The following KIF14 variants were observed in gnomAD, a reference collection of about 807,000 sequenced individuals.
KIF14 encodes the protein kinesin-like protein KIF14.
A neutral mutation model predicts 176.2 loss-of-function variants in KIF14; 98 were observed. The ratio of observed to expected loss-of-function variants is 0.56; its 90% CI spans 0.47 to 0.66. The LOEUF (loss-of-function observed/expected upper bound fraction) is 0.66, where lower values mean the gene tolerates loss of function less well. Among genes scored for constraint, KIF14 ranks in the 30% least tolerant of loss-of-function variants. The probability of loss-of-function intolerance (pLI) is 0.00; values close to 1 mark genes in which losing one functional copy is unlikely to be tolerated. For missense variants in KIF14, 1,751 were observed against 1,920.4 expected, an observed-to-expected ratio of 0.91 and a Z score of 1.65; for synonymous variants, 566 against 632.2, an observed-to-expected ratio of 0.90 and a Z score of 1.57.
In KIF14 at chr1:200,566,402, C is replaced by T. The variant is rs61827016; in HGVS notation, c.3662-733G>A. Among the ~76,000 whole-genome samples the T allele has an allele frequency of 7.7e-3, 1,172 of 151,660 alleles. 7 individuals are homozygous for T. The highest frequency in any genetic ancestry group is 0.037 in the Middle Eastern group (11 of 294). On this transcript the variant is annotated intron_variant, in intron 23 of 29. Coordinates refer to ENST00000367350, the MANE Select transcript of KIF14 (RefSeq NM_014875.3). The stretch of plus-strand genomic sequence containing the variant: ...GGTCAGGAGATCGGGACCATCCTGG[C>T]TAACGTGGTGAAACCCCATCTCTAT...
At chr1:200,593,816 A>G (rs1411564983) in intron 14 of KIF14, 47 bp from the exon 15 acceptor site, 1 of 1,109,572 alleles carries the variant, frequency 9.0e-7, no homozygotes, top group African/African-American at 1.5e-5. Flanking sequence ...AACACACTAA[A>G]AAGTAAGAAA....
chr1:200,606,862 TCAC>T, intron 5 of KIF14, 64 bp from the exon 6 acceptor site: 1 of 1,259,618 alleles, frequency 7.9e-7, no homozygotes, highest in Non-Finnish European at 1.2e-6. Context: ...CTTGAAATGA[TCAC>T]TTTTTCTACA....
chr1:200,581,761 C>CTTTTT (rs66935478), intron 19 of KIF14, among the ~76,000 whole-genome samples: 64 of 83,018 alleles, frequency 7.7e-4, no homozygotes, highest in East Asian at 1.6e-3. Context: ...TTTCACTTTC[C>CTTTTT]TTTTTTTTTT....
rs992868682 is a variant in KIF14, at chr1:200,615,546, G to A, written c.1176C>T (p.His392=). ...FMSGKEITVE[H]PDTKQVYNFI... Reference sequence around the variant, plus strand: ...AATTATAAACTTGTTTCGTGTCAGGGTGTTCCACAGTTATTTCTTTCCCAC... The same window carrying A: ...AATTATAAACTTGTTTCGTGTCAGGATGTTCCACAGTTATTTCTTTCCCAC... The change falls in exon 3 of 30, where the codon CAC becomes CAT. Residue 392 remains histidine (H), a synonymous_variant. Transcript: ENST00000367350. The A allele has an allele frequency of 4.3e-6, 7 of 1,613,394 alleles. No homozygotes were observed. In the African/African-American group the frequency reaches 5.3e-5, roughly 12 times the overall value.
intron 28 of KIF14, 137 bp downstream of exon 28, chr1:200,555,243 T>G: frequency 1.7e-6 from 1 of 587,592 alleles, no homozygotes; most frequent in Non-Finnish European, 3.0e-6. Flanking sequence ...AAGAGCTATC[T>G]TACATGCTAC....
intron 14 of KIF14, among the ~76,000 whole-genome samples, chr1:200,597,305 G>A (rs190439688): frequency 3.2e-4 from 49 of 152,144 alleles, no homozygotes; most frequent in African/African-American, 1.0e-3. Context: ...GATGTTACAC[G>A]TTAGAAAAAA....
rs758766005 is a variant in KIF14 at position 200,603,862 on chromosome 1, G to T, written c.1840C>A (p.His614Asn). Reference protein sequence around the residue: ...LAGSERCSTAHTNGDRLKEGV... With the variant: ...LAGSERCSTANTNGDRLKEGV... ...ACCTTTAGTCGATCTCCATTAGTGT[G>T]AGCCGTAGAGCAGCGCTCACTGCCT... The change falls in exon 9 of 30, where the codon CAC becomes AAC. Residue 614 changes from histidine to asparagine, a missense_variant. Transcript: ENST00000367350. The T allele has an allele frequency of 8.1e-6, 13 of 1,607,462 alleles. No individual in the cohort carries two copies. Among genetic ancestry groups the T allele is most frequent in the African/African-American group, 6.7e-5 (5 of 74,892 alleles).
At chr1:200,598,470 G>A (rs770724376) in intron 13 of KIF14, 49 bp from the exon 14 acceptor site, 12 of 1,403,426 alleles carry the variant, frequency 8.6e-6, no homozygotes, top group Non-Finnish European at 1.2e-5. Context: ...GTATGAAATT[G>A]TTAAATTCAC....
chr1:200,608,358 G>A lies in KIF14; in HGVS notation c.1554+472C>T, dbSNP rs888116623. Among the ~76,000 whole-genome samples the A allele has an allele frequency of 1.5e-4, 21 of 142,022 alleles. No homozygotes were observed. In the East Asian group the frequency reaches 3.0e-3, roughly 21 times the overall value. 93.2% of individuals were successfully genotyped at this position (142,022 alleles called of 152,430 possible). On this transcript the variant is annotated intron_variant, in intron 5 of 29. Transcript: ENST00000367350. ...TAATTTCTACTAGTGATAATGTTCC[G>A]CTTCTTTTCTTTTTTTTTTTTTTGG...
intron 23 of KIF14, 109 bp downstream of exon 23, chr1:200,569,802 G>A: frequency 1.8e-6 from 1 of 562,590 alleles, no homozygotes; most frequent in Non-Finnish European, 3.0e-6. Flanking sequence ...AGAGGAATCA[G>A]AAGCTTCCAG....
At position 200,559,357 on chromosome 1, in the gene KIF14, T is replaced by C; in HGVS notation, c.4326A>G (p.Glu1442=). 2 of 1,590,752 alleles carry C rather than the reference T, an allele frequency of 1.3e-6. No individual in the cohort carries two copies. The highest frequency in any genetic ancestry group is 1.4e-5 in the African/African-American group (1 of 74,040). Residue 1442 remains glutamate, a synonymous_variant, in exon 27 of 30, where the codon GAA becomes GAG. Transcript: ENST00000367350. ...CATTTTTTGTACACTGCCTAAAGAGTTCATGCTGAAGTTCTTTTGCTTTTT... is the reference window on the plus strand; with the variant it reads ...CATTTTTTGTACACTGCCTAAAGAGCTCATGCTGAAGTTCTTTTGCTTTTT... ...GLEKAKELQH[E]LFRQCTKNEV...
At position 200,575,427 on chromosome 1, in the gene KIF14, A is replaced by G. The variant is rs534966402; in HGVS notation, c.3566+164T>C. Among the ~76,000 whole-genome samples the G allele has an allele frequency of 4.6e-5, 7 of 152,148 alleles. No homozygotes were observed. In the East Asian group the frequency reaches 1.4e-3, roughly 29 times the overall value. ...TAAGTGCTGTAATTTGACCAATAAC[A>G]TATTATTCCTCTTACAGTTCTGGGT... On this transcript the variant is annotated intron_variant, in intron 22 of 29. Transcript: ENST00000367350.
intron 15 of KIF14, 36 bp downstream of exon 15, chr1:200,593,631 G>T: frequency 7.8e-7 from 1 of 1,282,584 alleles, no homozygotes; most frequent in South Asian, 1.2e-5. Context: ...ATCCAAAGTC[G>T]AACAGTTTCT....
intron 22 of KIF14, 96 bp downstream of exon 22, chr1:200,575,495 A>G: frequency 7.3e-6 from 4 of 545,802 alleles, no homozygotes; most frequent in Non-Finnish European, 9.0e-6. Context: ...CTTTTAAAAT[A>G]GGAAATAATA....
chr1:200,611,322 C>G (rs928138214), intron 4 of KIF14, among the ~76,000 whole-genome samples: 3 of 152,106 alleles, frequency 2.0e-5, no homozygotes, highest in African/African-American at 7.2e-5. Flanking sequence ...ATGAGATGAA[C>G]TGGACATAGT....
At chr1:200,556,201 G>A (rs954436240) in intron 27 of KIF14, among the ~76,000 whole-genome samples, 9 of 152,030 alleles carry the variant, frequency 5.9e-5, no homozygotes, top group Non-Finnish European at 1.2e-4. Context: ...TGCCCCCTAA[G>A]GTGCTTTCCT....
intron 11 of KIF14, 29 bp downstream of exon 11, chr1:200,601,867 C>T: frequency 1.3e-6 from 2 of 1,570,770 alleles, no homozygotes; most frequent in Non-Finnish European, 1.7e-6. Flanking sequence ...TGTGGCAAAA[C>T]AATTTTTAAA....
chr1:200,593,518 G>A, intron 15 of KIF14, 149 bp downstream of exon 15: 3 of 616,988 alleles, frequency 4.9e-6, no homozygotes, highest in Non-Finnish European at 5.7e-6. Flanking sequence ...GCACAAGAAA[G>A]CAATTAATAG....
At chr1:200,554,326 G>A in intron 29 of KIF14, 142 bp downstream of exon 29, 2 of 541,450 alleles carry the variant, frequency 3.7e-6, no homozygotes, top group Non-Finnish European at 6.5e-6. Flanking sequence ...AGGAGTCGGA[G>A]GTTGCAGTGA....
Sources: gnomAD v4.1 joint callset for allele counts (sites outside exome capture counted in the v4.1 genomes callset) on GRCh38, gnomAD v4.1.1 for gene constraint, MANE v1.5 for transcripts, NCBI Gene and HGNC (gene_info 2026-07-23, HGNC 2026-07-21) for gene names.